The following EPHA5 variants were observed in gnomAD, a reference collection of about 807,000 sequenced individuals.
The protein encoded by EPHA5 is ephrin type-A receptor 5.
A neutral mutation model predicts 105.0 loss-of-function variants in EPHA5; 60 were observed. That is an observed-to-expected ratio of 0.57 (90% confidence interval 0.46 to 0.71). The LOEUF (loss-of-function observed/expected upper bound fraction) is 0.71, where lower values mean the gene tolerates loss of function less well. Among genes scored for constraint, EPHA5 ranks in the 30% least tolerant of loss-of-function variants. The pLI, the probability that EPHA5 is intolerant of heterozygous loss-of-function variation, is 0.00. For synonymous variants in EPHA5, 513 were observed against 449.1 expected, an observed-to-expected ratio of 1.14 and a Z score of -1.80; for missense variants, 1,218 against 1,274.7, an observed-to-expected ratio of 0.96 and a Z score of 0.68.
At chr4:65,614,212 TTAA>T (rs1297495511) in intron 2 of EPHA5, among the ~76,000 whole-genome samples, 2 of 151,886 alleles carry the variant, frequency 1.3e-5, no homozygotes, top group Non-Finnish European at 3.0e-5. Context: ...AATAGTAAAA[TTAA>T]TTTTTCAGTG....
chr4:65,423,137 G>T (rs745379158), intron 5 of EPHA5, among the ~76,000 whole-genome samples: 11 of 151,950 alleles, frequency 7.2e-5, no homozygotes, highest in Non-Finnish European at 1.3e-4. Flanking sequence ...TGGGTATTTT[G>T]TAAGCAGTCT....
At chr4:65,628,079 T>G in intron 2 of EPHA5, among the ~76,000 whole-genome samples, 1 of 152,126 alleles carries the variant, frequency 6.6e-6, no homozygotes, top group East Asian at 1.9e-4. Flanking sequence ...TTTCATAATT[T>G]TATACCACCT....
In EPHA5 at chr4:65,476,127, A is replaced by AGTGTGT. The variant is rs58933650; in HGVS notation, c.1402+14244_1402+14249dup. On this transcript the variant is annotated intron_variant, in intron 5 of 16. Transcript: ENST00000613740. ...GAGAGAGAGAGAGAGAGAGAGAGAGAGTGTGTGTGTGTGTGTGTGTGTGTG... is the reference window on the plus strand; with the variant it reads ...GAGAGAGAGAGAGAGAGAGAGAGAGAGTGTGTGTGTGTGTGTGTGTGTGTGTGTGTG... 5.6e-3 allele frequency among the ~76,000 whole-genome samples: 666 copies of AGTGTGT among 119,180 alleles called. 4 individuals carry two copies. The highest frequency in any genetic ancestry group is 7.8e-3 in the Non-Finnish European group (436 of 56,058). 78.2% of individuals were successfully genotyped at this position (119,180 alleles called of 152,430 possible). A position where few individuals can be genotyped will look rare whatever the true frequency, so the allele number is the denominator to read the frequency against.
intron 8 of EPHA5, among the ~76,000 whole-genome samples, chr4:65,402,133 T>A (rs1047148769): frequency 1.3e-5 from 2 of 152,092 alleles, no homozygotes; most frequent in African/African-American, 4.8e-5. Context: ...CTCTTCCCCC[T>A]TGGTTCCTCC....
intron 3 of EPHA5, among the ~76,000 whole-genome samples, chr4:65,531,885 A>G (rs1326506856): frequency 1.3e-5 from 2 of 152,234 alleles, no homozygotes; most frequent in African/African-American, 4.8e-5. Flanking sequence ...TTTCACTTGT[A>G]TTAAGCAAAA....
rs1461184025 is a variant in EPHA5, at chr4:65,503,699, C to T, written c.911-8156G>A. 9.9e-5 allele frequency among the ~76,000 whole-genome samples: 15 copies of T among 151,496 alleles called. No homozygotes were observed. The Admixed American group carries it at 9.9e-4, about 10-fold the overall frequency. ...TATGTAATAAATCAGAATTTCCTGC[C>T]ATGAACTGTACTGAACATGGAATAT... On this transcript the variant is annotated intron_variant, in intron 3 of 16. Transcript: ENST00000613740.
At chr4:65,576,535 C>T (rs1741074909) in intron 3 of EPHA5, among the ~76,000 whole-genome samples, 1 of 152,134 alleles carries the variant, frequency 6.6e-6, no homozygotes, top group South Asian at 2.1e-4. Flanking sequence ...CCTCAAAAAG[C>T]TAGTGTGTAA....
intron 8 of EPHA5, among the ~76,000 whole-genome samples, chr4:65,381,807 G>A (rs183450244): frequency 1.9e-4 from 29 of 151,800 alleles, no homozygotes; most frequent in African/African-American, 6.7e-4. Context: ...TATCAAACAG[G>A]TTTGAGGGAA....
chr4:65,436,644 T>C (rs1055335595), intron 5 of EPHA5, among the ~76,000 whole-genome samples: 3 of 151,990 alleles, frequency 2.0e-5, no homozygotes, highest in Admixed American at 1.3e-4. Flanking sequence ...CAGTAAAATA[T>C]CCTCAGATTG....
chr4:65,524,717 G>A (rs1002050798), intron 3 of EPHA5, among the ~76,000 whole-genome samples: 2 of 151,754 alleles, frequency 1.3e-5, no homozygotes, highest in Admixed American at 6.6e-5. Flanking sequence ...ATTTCAGTAC[G>A]TTTAAATTTT....
chr4:65,556,563 C>T (rs1738463148), intron 3 of EPHA5, among the ~76,000 whole-genome samples: 1 of 152,088 alleles, frequency 6.6e-6, no homozygotes, highest in South Asian at 2.1e-4. Flanking sequence ...ACTAATTTCT[C>T]CAATGGGATC....
In EPHA5 at chr4:65,513,096, A is replaced by G. The variant is rs141503966; in HGVS notation, c.911-17553T>C. ...TTGAAGTAATTTGTGGTTAGGAAAT[A>G]TGGCATTTGGGAGAAGTTACTCTGA... On this transcript the variant is annotated intron_variant, in intron 3 of 16. Coordinates refer to ENST00000613740, the MANE Select transcript of EPHA5 (RefSeq NM_001281766.3). Among the ~76,000 whole-genome samples the G allele has an allele frequency of 4.8e-3, 730 of 152,252 alleles. 7 individuals carry two copies. The highest frequency in any genetic ancestry group is 0.017 in the African/African-American group (701 of 41,564).
intron 6 of EPHA5, among the ~76,000 whole-genome samples, chr4:65,415,321 G>GT (rs1273230443): frequency 6.6e-6 from 1 of 151,986 alleles, no homozygotes; most frequent in Non-Finnish European, 1.5e-5. Context: ...TCACAGAGAT[G>GT]TTGTAAAAAT....
chr4:65,541,251 A>G (rs1375870581), intron 3 of EPHA5, among the ~76,000 whole-genome samples: 1 of 151,802 alleles, frequency 6.6e-6, no homozygotes, highest in Non-Finnish European at 1.5e-5. Context: ...CACATATAAC[A>G]AAATTAACCT....
chr4:65,574,396 T>TA (rs1232144571), intron 3 of EPHA5: 3 of 730,502 alleles, frequency 4.1e-6, no homozygotes, highest in African/African-American at 1.9e-5. Context: ...AATAAAAAAA[T>TA]AAAAAAATAC....
At chr4:65,466,845 G>A (rs1053588806) in intron 5 of EPHA5, among the ~76,000 whole-genome samples, 2 of 152,064 alleles carry the variant, frequency 1.3e-5, no homozygotes, top group Non-Finnish European at 2.9e-5. Context: ...TTTATAGGCC[G>A]AAAGTCCTGT....
chr4:65,506,758 G>A (rs1406778086), intron 3 of EPHA5, among the ~76,000 whole-genome samples: 5 of 152,100 alleles, frequency 3.3e-5, no homozygotes, highest in Non-Finnish European at 5.9e-5. Flanking sequence ...GTTCATTGTC[G>A]ATTCTGGATA....
rs370158450 is a variant in EPHA5, at chr4:65,344,440, C to T, written c.2595+3614G>A. ...ATAATTGTGTCTGTGACAGATACAACTGTATTAGGCATCATTCCTTATAAC... is the reference window on the plus strand; with the variant it reads ...ATAATTGTGTCTGTGACAGATACAATTGTATTAGGCATCATTCCTTATAAC... On this transcript the variant is annotated intron_variant, in intron 14 of 16. Coordinates refer to ENST00000613740, the MANE Select transcript of EPHA5 (RefSeq NM_001281766.3). 2.5e-4 allele frequency among the ~76,000 whole-genome samples: 38 copies of T among 152,248 alleles called. 3 individuals carry two copies. In the South Asian group the frequency reaches 7.9e-3, roughly 32 times the overall value.
chr4:65,561,472 G>A (rs897024447), intron 3 of EPHA5, among the ~76,000 whole-genome samples: 2 of 152,198 alleles, frequency 1.3e-5, no homozygotes, highest in African/African-American at 4.8e-5. Context: ...AGTAGACTGA[G>A]TGCAATGTGC....
Sources: allele counts gnomAD v4.1 joint callset (sites outside exome capture counted in the v4.1 genomes callset), GRCh38; gene constraint gnomAD v4.1.1; transcripts MANE v1.5; gene names NCBI Gene and HGNC (gene_info 2026-07-23, HGNC 2026-07-21).